RIN3: variants seen among roughly 807,000 people sequenced by gnomAD.
RIN3 encodes the protein RAB5 interacting protein 3.
A neutral mutation model predicts 76.3 loss-of-function variants in RIN3; 54 were observed. That is an observed-to-expected ratio of 0.71 (90% CI 0.57 to 0.89). RIN3 has a LOEUF of 0.89. Among genes scored for constraint, RIN3 ranks in the 40% least tolerant of loss-of-function variants. RIN3 has a pLI of 0.00. For synonymous variants in RIN3, 576 were observed against 564.0 expected, an observed-to-expected ratio of 1.02 and a Z score of -0.30; for missense variants, 1,256 against 1,322.1, an observed-to-expected ratio of 0.95 and a Z score of 0.78.
At chr14:92,553,709 G>A (rs984344040) in intron 1 of RIN3, among the ~76,000 whole-genome samples, 2 of 152,106 alleles carry the variant, frequency 1.3e-5, no homozygotes, top group Non-Finnish European at 2.9e-5. Context: ...GCCCCCCGGA[G>A]GATGTGGGAG....
chr14:92,535,433 G>A (rs1015308589), intron 1 of RIN3, among the ~76,000 whole-genome samples: 16 of 149,310 alleles, frequency 1.1e-4, no homozygotes, highest in African/African-American at 3.5e-4. Flanking sequence ...TCCCGGGCGA[G>A]CTTTCATTCT....
At position 92,555,798 on chromosome 14, in the gene RIN3, G is replaced by A. The variant is rs1897559319; in HGVS notation, c.92G>A (p.Gly31Asp). ...GGAGAGGAAGAGGAAGAGGAAGATGGCATGCGGCTTTGTCTGCCAGCCAAC... is the reference window on the plus strand; with the variant it reads ...GGAGAGGAAGAGGAAGAGGAAGATGACATGCGGCTTTGTCTGCCAGCCAAC... The part of the protein sequence containing the change: ...GKGEEEEEED[G>D]MRLCLPANPK... The change falls in exon 2 of 10, where the codon GGC becomes GAC. Residue 31 changes from glycine (G) to aspartate (D), a missense_variant. Physicochemically the swap from Gly to Asp is moderately conservative, Grantham distance 94. Transcript: ENST00000216487. The A allele has an allele frequency of 1.2e-6, 2 of 1,614,144 alleles. No individual in the cohort carries two copies. Among genetic ancestry groups the A allele is most frequent in the Non-Finnish European group, 1.7e-6 (2 of 1,180,024 alleles).
chr14:92,556,946 C>A (rs777041985), intron 2 of RIN3, among the ~76,000 whole-genome samples: 9 of 152,150 alleles, frequency 5.9e-5, no homozygotes, highest in Non-Finnish European at 1.2e-4. Context: ...AGTACAGACA[C>A]AATGTGGTAC....
At chr14:92,535,909 T>C (rs1317864497) in intron 1 of RIN3, among the ~76,000 whole-genome samples, 4 of 151,974 alleles carry the variant, frequency 2.6e-5, no homozygotes, top group South Asian at 4.2e-4. Context: ...AACTGATTTT[T>C]TAAGTTGTGA....
chr14:92,643,693 C>T lies in RIN3; in HGVS notation c.532+2364C>T, dbSNP rs370558817. Among the ~76,000 whole-genome samples, 12 of 152,196 alleles carry T rather than the reference C, an allele frequency of 7.9e-5. No homozygotes were observed. In the East Asian group the frequency reaches 1.5e-3, roughly 20 times the overall value. Reference sequence around the variant, plus strand: ...CTATAATCTCAGCACTTTGGGAGGCCGAGGCGGGCAGATAACCTGAAGTCA... The same window carrying T: ...CTATAATCTCAGCACTTTGGGAGGCTGAGGCGGGCAGATAACCTGAAGTCA... On this transcript the variant is annotated intron_variant, in intron 5 of 9. Transcript: ENST00000216487. The surrounding 1 kb of genome is among the most constrained non-coding windows in gnomAD (Gnocchi z 4.8).
Position 92,535,027 on chromosome 14 carries a change from C to T in RIN3, c.45-20724C>T, listed in dbSNP as rs143609332. ...GAATAGGAGAGCTCCGGTTCTTCCT[C>T]ATCCTCCCCAGGCCTTGGTAGTGTC... On this transcript the variant is annotated intron_variant, in intron 1 of 9. Transcript: ENST00000216487. Among the ~76,000 whole-genome samples the T allele has an allele frequency of 1.6e-3, 251 of 152,344 alleles. 4 individuals carry two copies. The East Asian group carries it at 0.024, about 14-fold the overall frequency.
chr14:92,582,461 T>TTTC (rs1491278203), intron 3 of RIN3, among the ~76,000 whole-genome samples: 1 of 137,138 alleles, frequency 7.3e-6, no homozygotes. Flanking sequence ...TTTTTTTTTT[T>TTTC]CCCTGAGATG....
Position 92,561,042 on chromosome 14 carries a change from A to ATATATATATATATATATATATATAT in RIN3, c.249+5087_249+5088insTATATATATATATATATATATATAT, listed in dbSNP as rs1461986249. Among the ~76,000 whole-genome samples, 86 of 19,308 alleles carry ATATATATATATATATATATATATAT rather than the reference A, an allele frequency of 4.5e-3. 8 individuals carry two copies. In the East Asian group the frequency reaches 0.07, roughly 16 times the overall value. The allele number at this position is 19,308 out of a possible 152,430, so 12.7% of individuals were successfully genotyped here. A position where few individuals can be genotyped will look rare whatever the true frequency, so the allele number is the denominator to read the frequency against. ...GTCTAAAAAAAAAAAAAAAAAAAAA[A>ATATATATATATATATATATATATAT]AAATATATATATATCTGCCATATAT... On this transcript the variant is annotated intron_variant, in intron 2 of 9. Transcript: ENST00000216487.
intron 1 of RIN3, among the ~76,000 whole-genome samples, chr14:92,536,396 C>T (rs1408277664): frequency 6.6e-6 from 1 of 152,134 alleles, no homozygotes; most frequent in East Asian, 1.9e-4. Context: ...ATCATAAGCA[C>T]TCATCAGTAG....
At chr14:92,578,580 A>G (rs1179847429) in intron 3 of RIN3, among the ~76,000 whole-genome samples, 3 of 152,226 alleles carry the variant, frequency 2.0e-5, no homozygotes, top group Non-Finnish European at 4.4e-5. Flanking sequence ...TATTACTCAA[A>G]TCAGCCTCCC....
chr14:92,533,380 G>A (rs61977346), intron 1 of RIN3, among the ~76,000 whole-genome samples: 17,310 of 152,254 alleles, frequency 0.11, 1,318 homozygotes, highest in Non-Finnish European at 0.16. Context: ...CAGAGGAAGA[G>A]AAGTCATTAT....
chr14:92,637,246 G>A (rs555501491), intron 4 of RIN3, among the ~76,000 whole-genome samples: 1 of 151,580 alleles, frequency 6.6e-6, no homozygotes, highest in African/African-American at 2.4e-5. Context: ...CCATCTGGGG[G>A]TGATGGGAGA....
In RIN3 at chr14:92,673,035, G is replaced by A. The variant is rs148295951; in HGVS notation, c.2336-3440G>A. 4.4e-3 allele frequency among the ~76,000 whole-genome samples: 667 copies of A among 151,914 alleles called. 4 individuals carry two copies. The highest frequency in any genetic ancestry group is 0.015 in the African/African-American group (623 of 41,422). ...TGGTGGCTCACGTCTTTAATCCAGC[G>A]CTTTGGGAGGCTGAGGCAGGTGGAT... is the stretch of plus-strand genomic sequence containing the variant. On this transcript the variant is annotated intron_variant, in intron 7 of 9. Coordinates refer to ENST00000216487, the MANE Select transcript of RIN3 (RefSeq NM_024832.5).
intron 1 of RIN3, among the ~76,000 whole-genome samples, chr14:92,517,373 G>T (rs1389369482): frequency 3.3e-5 from 5 of 152,118 alleles, no homozygotes; most frequent in African/African-American, 1.2e-4. Context: ...TACAGAAGAG[G>T]GGCAAAAGTA....
chr14:92,678,636 C>T (rs1469156687), intron 8 of RIN3, among the ~76,000 whole-genome samples: 1 of 151,516 alleles, frequency 6.6e-6, no homozygotes, highest in Non-Finnish European at 1.5e-5. Context: ...CGCAATCACA[C>T]ACCCATTCAT....
At chr14:92,542,069 G>A (rs1897142830) in intron 1 of RIN3, among the ~76,000 whole-genome samples, 1 of 152,222 alleles carries the variant, frequency 6.6e-6, no homozygotes, top group African/African-American at 2.4e-5. Context: ...GAGGCAGGAG[G>A]ATTGCTTGAG....
intron 1 of RIN3, among the ~76,000 whole-genome samples, chr14:92,545,566 T>C (rs1379796712): frequency 7.0e-6 from 1 of 143,052 alleles, no homozygotes; most frequent in Non-Finnish European, 1.5e-5. Flanking sequence ...CTCTATTTTT[T>C]TTCTTTTTTC....
chr14:92,679,655 G>A (rs553684497), intron 8 of RIN3, among the ~76,000 whole-genome samples: 122 of 152,310 alleles, frequency 8.0e-4, no homozygotes, highest in African/African-American at 2.5e-3. Flanking sequence ...GGGTGGTGGT[G>A]CAGAGGTACC....
At chr14:92,604,099 C>T (rs10137832) in intron 3 of RIN3, among the ~76,000 whole-genome samples, 1 of 152,158 alleles carries the variant, frequency 6.6e-6, no homozygotes, top group Non-Finnish European at 1.5e-5. Context: ...ATGGGGAAGG[C>T]GCCTGCCCCT....
Sources: gnomAD v4.1 joint callset for allele counts (sites outside exome capture counted in the v4.1 genomes callset) on GRCh38, gnomAD v4.1.1 for gene constraint, Gnocchi (gnomAD v3.1) non-coding constraint, MANE v1.5 for transcripts, NCBI Gene and HGNC (gene_info 2026-07-23, HGNC 2026-07-21) for gene names.